The following SCD5 variants were observed in gnomAD, a reference collection of about 807,000 sequenced individuals.
SCD5 encodes the protein stearoyl-CoA desaturase 5.
SCD5 carries 20 observed loss-of-function variants against 30.4 expected under a neutral mutation model. The observed-to-expected ratio is 0.66, with a 90% CI of 0.46 to 0.96. The LOEUF (loss-of-function observed/expected upper bound fraction) is 0.96, where lower values mean the gene tolerates loss of function less well. Ranked by LOEUF, SCD5 falls within the 40% of genes least tolerant of loss-of-function variation. The pLI is 0.00. For missense variants in SCD5, 381 were observed against 443.3 expected (o/e 0.86, Z 1.26); for synonymous variants, 173 against 176.4 (o/e 0.98, Z 0.16).
chr4:82,679,212 AAAGAAAG>A (rs1346474392), intron 3 of SCD5, among the ~76,000 whole-genome samples: 7 of 15,936 alleles, frequency 4.4e-4, no homozygotes, highest in Admixed American at 2.6e-3. Context: ...AAAAAAAAAA[AAAGAAAG>A]AAAAGAAAGA....
At chr4:82,761,310 G>A (rs887663087) in intron 1 of SCD5, among the ~76,000 whole-genome samples, 2 of 152,138 alleles carry the variant, frequency 1.3e-5, no homozygotes, top group African/African-American at 4.8e-5. Flanking sequence ...CCCAAATCTT[G>A]TCTTCTCCCT....
chr4:82,758,800 A>T (rs1721284281), intron 1 of SCD5, among the ~76,000 whole-genome samples: 1 of 152,100 alleles, frequency 6.6e-6, no homozygotes, highest in African/African-American at 2.4e-5. Flanking sequence ...GGAGCTCAGG[A>T]AAGAAGGACT....
At chr4:82,789,885 G>A (rs1722064226) in intron 1 of SCD5, among the ~76,000 whole-genome samples, 2 of 152,182 alleles carry the variant, frequency 1.3e-5, no homozygotes, top group Non-Finnish European at 1.5e-5. Flanking sequence ...AGGAAGGAAG[G>A]GGAAGGAGGA....
intron 1 of SCD5, among the ~76,000 whole-genome samples, chr4:82,749,289 A>G (rs1210536264): frequency 6.6e-6 from 1 of 152,232 alleles, no homozygotes; most frequent in Non-Finnish European, 1.5e-5. Context: ...CTATTTATTC[A>G]GGCCTGTTGC....
At chr4:82,689,870 C>T (rs375260846) in intron 2 of SCD5, among the ~76,000 whole-genome samples, 39 of 152,236 alleles carry the variant, frequency 2.6e-4, no homozygotes, top group East Asian at 9.6e-4. Context: ...GAGGAGGACA[C>T]AAGAATGCTA....
chr4:82,759,339 C>T (rs747899155), intron 1 of SCD5, among the ~76,000 whole-genome samples: 20 of 152,168 alleles, frequency 1.3e-4, no homozygotes, highest in Non-Finnish European at 2.8e-4. Context: ...GGGCAGGGAG[C>T]GCACCTCCTC....
chr4:82,733,725 A>T (rs1333129699), intron 1 of SCD5, among the ~76,000 whole-genome samples: 2 of 152,182 alleles, frequency 1.3e-5, no homozygotes, highest in South Asian at 2.1e-4. Flanking sequence ...CTAGGGAAGC[A>T]CATGCTCATG....
intron 1 of SCD5, among the ~76,000 whole-genome samples, chr4:82,721,967 G>GT (rs1720378851): frequency 6.6e-6 from 1 of 152,228 alleles, no homozygotes; most frequent in South Asian, 2.1e-4. Flanking sequence ...CTTAGCATCA[G>GT]TAACACTGGA....
At chr4:82,665,076 ATT>A (rs59529272) in intron 3 of SCD5, among the ~76,000 whole-genome samples, 1,086 of 74,800 alleles carry the variant, frequency 0.015, 34 homozygotes, top group African/African-American at 0.049. Flanking sequence ...ATATATATAT[ATT>A]TTTTTTTTAA....
intron 2 of SCD5, among the ~76,000 whole-genome samples, chr4:82,704,922 G>A (rs1395006038): frequency 6.6e-6 from 1 of 152,180 alleles, no homozygotes; most frequent in Non-Finnish European, 1.5e-5. Flanking sequence ...TAGCTCACAG[G>A]GCTACTATGC....
intron 2 of SCD5, among the ~76,000 whole-genome samples, chr4:82,703,946 T>C (rs2148827130): frequency 6.6e-6 from 1 of 152,302 alleles, no homozygotes; most frequent in South Asian, 2.1e-4. Context: ...ACACTGCCAG[T>C]GGTGAACAAA....
At chr4:82,688,152 G>A (rs1728750623) in intron 2 of SCD5, among the ~76,000 whole-genome samples, 1 of 152,160 alleles carries the variant, frequency 6.6e-6, no homozygotes, top group Non-Finnish European at 1.5e-5. Context: ...CATAGCCAAA[G>A]GGAATTCCAC....
At chr4:82,670,437 G>A (rs569232645) in intron 3 of SCD5, among the ~76,000 whole-genome samples, 1 of 152,030 alleles carries the variant, frequency 6.6e-6, no homozygotes, top group Admixed American at 6.6e-5. Flanking sequence ...TGAGTTTGAC[G>A]AAATATGAAT....
intron 3 of SCD5, among the ~76,000 whole-genome samples, chr4:82,679,261 A>AG (rs1728510932): frequency 9.6e-6 from 1 of 103,956 alleles, no homozygotes; most frequent in Non-Finnish European, 2.0e-5. Context: ...AGAAAGAAAG[A>AG]AGGAAGGAAA....
chr4:82,684,329 A>T (rs1315792307), intron 2 of SCD5, among the ~76,000 whole-genome samples: 1 of 152,244 alleles, frequency 6.6e-6, no homozygotes, highest in Non-Finnish European at 1.5e-5. Flanking sequence ...GTCCAGTGAA[A>T]AATGACTCAA....
intron 1 of SCD5, among the ~76,000 whole-genome samples, chr4:82,752,678 G>T (rs543925945): frequency 3.9e-5 from 6 of 152,100 alleles, no homozygotes; most frequent in African/African-American, 1.4e-4. Context: ...AGAAGCCTAT[G>T]TATTTGTTTG....
At chr4:82,755,666 C>T (rs573528028) in intron 1 of SCD5, among the ~76,000 whole-genome samples, 1 of 152,294 alleles carries the variant, frequency 6.6e-6, no homozygotes, top group South Asian at 2.1e-4. Context: ...TGGCTTAACA[C>T]CATCAGATAA....
At chr4:82,658,356 G>T (rs1727909033) in intron 3 of SCD5, among the ~76,000 whole-genome samples, 1 of 151,838 alleles carries the variant, frequency 6.6e-6, no homozygotes, top group African/African-American at 2.4e-5. Flanking sequence ...AGATAATTAT[G>T]TGGTTTTTGT....
intron 3 of SCD5, among the ~76,000 whole-genome samples, chr4:82,645,782 T>A (rs561922168): frequency 6.6e-6 from 1 of 152,338 alleles, no homozygotes; most frequent in South Asian, 2.1e-4. Flanking sequence ...TAAAGAGAAC[T>A]GAAACACTAA....
Sources: allele counts gnomAD v4.1 joint callset (sites outside exome capture counted in the v4.1 genomes callset), GRCh38; gene constraint gnomAD v4.1.1; transcripts MANE v1.5; gene names NCBI Gene and HGNC (gene_info 2026-07-23, HGNC 2026-07-21).